EFCAB13: variants seen among roughly 807,000 people sequenced by gnomAD.
EFCAB13 encodes the protein EF-hand calcium-binding domain-containing protein 13.
A neutral mutation model predicts 110.2 loss-of-function variants in EFCAB13; 91 were observed. The observed-to-expected ratio is 0.83, with a 90% CI of 0.70 to 0.98. EFCAB13 has a LOEUF of 0.98. EFCAB13 is among the 50% of genes least tolerant of loss of function. The pLI is 0.00. For synonymous variants in EFCAB13, 323 were observed against 369.9 expected (o/e 0.87, Z 1.45); for missense variants, 968 against 1,119.4 (o/e 0.86, Z 1.93).
At chr17:47,355,884 TC>T (rs2065478185) in intron 9 of EFCAB13, among the ~76,000 whole-genome samples, 1 of 152,012 alleles carries the variant, frequency 6.6e-6, no homozygotes, top group Non-Finnish European at 1.5e-5. Flanking sequence ...CTGGGTGCAT[TC>T]ATTTTAAAAA....
chr17:47,422,134 T>C (rs1019850344), intron 23 of EFCAB13, among the ~76,000 whole-genome samples: 2 of 151,094 alleles, frequency 1.3e-5, no homozygotes, highest in African/African-American at 4.8e-5. Flanking sequence ...GAGTGCAATA[T>C]TGGTATTAAT....
At chr17:47,327,260 G>A (rs974163598) in intron 3 of EFCAB13, among the ~76,000 whole-genome samples, 2 of 152,046 alleles carry the variant, frequency 1.3e-5, no homozygotes, top group Non-Finnish European at 2.9e-5. Flanking sequence ...CTGCCTCCTG[G>A]GTTCAAGCAG....
Position 47,394,038 on chromosome 17 carries a change from G to A in EFCAB13, c.1740G>A (p.Val580=), listed in dbSNP as rs200571858. 1.3e-6 allele frequency: 2 copies of A among 1,543,940 alleles called. No individual in the cohort carries two copies. Among genetic ancestry groups the A allele is most frequent in the Non-Finnish European group, 1.7e-6 (2 of 1,150,586 alleles). Residue 580 remains valine (V), a synonymous_variant, in exon 16 of 25, where the codon GTG becomes GTA. Transcript: ENST00000331493. The stretch of plus-strand genomic sequence containing the variant: ...TTTTTCCTGTAGAAACAAAAAAAGT[G>A]AATTTTAAAGAATTCATTGATACTA... ...ELTEAGETKK[V]NFKEFIDTMM...
chr17:47,404,944 C>T (rs551903083), intron 20 of EFCAB13, among the ~76,000 whole-genome samples: 50 of 152,036 alleles, frequency 3.3e-4, no homozygotes, highest in African/African-American at 1.2e-3. Context: ...CTTAAATGAC[C>T]AGGAATGTAA....
intron 5 of EFCAB13, 150 bp from the exon 6 acceptor site, chr17:47,341,771 G>A (rs2065386353): frequency 1.8e-6 from 1 of 556,450 alleles, no homozygotes; most frequent in Admixed American, 3.7e-5. Context: ...AACAGGGATG[G>A]GATATAGATG....
intron 14 of EFCAB13, among the ~76,000 whole-genome samples, chr17:47,390,922 A>G (rs938837781): frequency 6.6e-6 from 1 of 151,638 alleles, no homozygotes; most frequent in African/African-American, 2.4e-5. Flanking sequence ...CTGTCTATCT[A>G]TCTATCTGTC....
At chr17:47,376,533 CT>C (rs2143367737) in intron 12 of EFCAB13, among the ~76,000 whole-genome samples, 1 of 151,766 alleles carries the variant, frequency 6.6e-6, no homozygotes, top group African/African-American at 2.4e-5. Flanking sequence ...GGTAATTGGA[CT>C]TTTATGGAAT....
chr17:47,386,891 C>T (rs534663386), intron 14 of EFCAB13, among the ~76,000 whole-genome samples: 111 of 151,998 alleles, frequency 7.3e-4, no homozygotes, highest in Admixed American at 6.5e-3. Flanking sequence ...CACCCCCTCC[C>T]CGCCGCCGCC....
At position 47,370,494 on chromosome 17, in the gene EFCAB13, A is replaced by G. The variant is rs1341243820; in HGVS notation, c.863A>G (p.Gln288Arg). 1 of 1,606,424 alleles carries G rather than the reference A, an allele frequency of 6.2e-7. No individual in the cohort carries two copies. Among genetic ancestry groups the G allele is most frequent in the Non-Finnish European group, 8.5e-7 (1 of 1,174,026 alleles). ...IIFTLNELQEQYEDVSITEGS... is the reference protein window; with the variant it reads ...IIFTLNELQERYEDVSITEGS... ...TTTACTTTGAATGAGCTACAGGAACAGTATGAGGATGTTTGTAAGTGAGCT... is the reference window on the plus strand; with the variant it reads ...TTTACTTTGAATGAGCTACAGGAACGGTATGAGGATGTTTGTAAGTGAGCT... The change falls in exon 11 of 25, where the codon CAG becomes CGG. Residue 288 changes from glutamine (Q) to arginine (R), a missense_variant. Coordinates refer to ENST00000331493, the MANE Select transcript of EFCAB13 (RefSeq NM_152347.5).
intron 17 of EFCAB13, among the ~76,000 whole-genome samples, chr17:47,397,021 T>TCCCCCTCCCCCCCCCCCCCCCCCCC (rs1309209247): frequency 7.6e-6 from 1 of 131,202 alleles, no homozygotes; most frequent in South Asian, 3.0e-4. Context: ...CCTCTCCCTC[T>TCCCCCTCCCCCCCCCCCCCCCCCCC]CCCCCTCCCC....
intron 4 of EFCAB13, among the ~76,000 whole-genome samples, chr17:47,332,332 G>A (rs769659254): frequency 6.6e-6 from 1 of 152,036 alleles, no homozygotes; most frequent in Non-Finnish European, 1.5e-5. Context: ...GGGGCATAAT[G>A]TAGTATTTTG....
At chr17:47,332,768 G>C (rs115018235) in intron 4 of EFCAB13, among the ~76,000 whole-genome samples, 499 of 152,154 alleles carry the variant, frequency 3.3e-3, no homozygotes, top group African/African-American at 0.012. Context: ...AGGCTGTATG[G>C]TATTCATTTG....
intron 23 of EFCAB13, among the ~76,000 whole-genome samples, chr17:47,425,426 T>C (rs185661976): frequency 1.5e-3 from 231 of 152,334 alleles, no homozygotes; most frequent in South Asian, 3.5e-3. Context: ...CTATAGGTTA[T>C]TGTACTGACC....
At chr17:47,347,329 T>TA (rs1156886140) in intron 8 of EFCAB13, among the ~76,000 whole-genome samples, 1 of 152,078 alleles carries the variant, frequency 6.6e-6, no homozygotes, top group East Asian at 1.9e-4. Context: ...TTTCTGAAAA[T>TA]AAAGTGTAGT....
At chr17:47,392,975 C>T (rs72825686) in intron 15 of EFCAB13, among the ~76,000 whole-genome samples, 13,369 of 152,138 alleles carry the variant, frequency 0.088, 845 homozygotes, top group East Asian at 0.35. Context: ...TTTTACAAAC[C>T]AACAACTCAA....
intron 14 of EFCAB13, among the ~76,000 whole-genome samples, chr17:47,390,910 G>GTCTTATCTATCTA (rs1436843247): frequency 4.7e-4 from 50 of 106,626 alleles, no homozygotes; most frequent in African/African-American, 1.7e-3. Context: ...ATGTGTGTCT[G>GTCTTATCTATCTA]TCTGTCTATC....
chr17:47,435,610 T>C (rs1402130105), intron 24 of EFCAB13, among the ~76,000 whole-genome samples: 2 of 152,156 alleles, frequency 1.3e-5, no homozygotes, highest in Non-Finnish European at 2.9e-5. Flanking sequence ...TGTTGGTGTA[T>C]AGAAGAACTA....
chr17:47,381,101 C>G (rs1341742480), intron 14 of EFCAB13, among the ~76,000 whole-genome samples: 1 of 152,006 alleles, frequency 6.6e-6, no homozygotes, highest in Non-Finnish European at 1.5e-5. Context: ...CCAGGATGGT[C>G]TTGATCTCCT....
At chr17:47,397,019 TCTCCCCCTCCCC>T (rs1042874660) in intron 17 of EFCAB13, among the ~76,000 whole-genome samples, 3 of 129,144 alleles carry the variant, frequency 2.3e-5, no homozygotes, top group Admixed American at 1.6e-4. Context: ...TCCCTCTCCC[TCTCCCCCTCCCC>T]CTCCCCCTCC....
Sources: allele counts gnomAD v4.1 joint callset (sites outside exome capture counted in the v4.1 genomes callset), GRCh38; gene constraint gnomAD v4.1.1; transcripts MANE v1.5; gene names NCBI Gene and HGNC (gene_info 2026-07-23, HGNC 2026-07-21).